MARCHF2: variants seen among roughly 807,000 people sequenced by gnomAD.
The protein encoded by MARCHF2 is E3 ubiquitin-protein ligase MARCHF2.
MARCHF2 carries 22 observed loss-of-function variants against 24.0 expected under a neutral mutation model. The ratio of observed to expected loss-of-function variants is 0.92; its 90% CI spans 0.66 to 1.31. The LOEUF is 1.31. Ranked by LOEUF, MARCHF2 falls within the 50% of genes most tolerant of loss-of-function variation. The probability of loss-of-function intolerance (pLI) is 0.00; values close to 1 mark genes in which losing one functional copy is unlikely to be tolerated. For synonymous variants in MARCHF2, 154 were observed against 153.0 expected (o/e 1.01, Z -0.05); for missense variants, 301 against 335.3 (o/e 0.90, Z 0.80).
chr19:8,437,836 C>G (rs1211166629), intron 4 of MARCHF2, among the ~76,000 whole-genome samples: 2 of 151,696 alleles, frequency 1.3e-5, no homozygotes, highest in African/African-American at 2.4e-5. Context: ...CCCATATCTC[C>G]CAGGCTCAGG....
intron 4 of MARCHF2, among the ~76,000 whole-genome samples, chr19:8,435,898 CCAG>C (rs1967707577): frequency 6.8e-6 from 1 of 146,606 alleles, no homozygotes. Context: ...TCTTTGTCAC[CCAG>C]GCTGCAGTGC....
chr19:8,426,867 G>T lies in MARCHF2; in HGVS notation c.372+63G>T, dbSNP rs923174836. 12 of 1,487,120 alleles carry T rather than the reference G, an allele frequency of 8.1e-6. No individual in the cohort carries two copies. The Admixed American group carries it at 1.6e-4, about 20-fold the overall frequency. The allele number at this position is 1,487,120 out of a possible 1,614,324, so 92.1% of individuals were successfully genotyped here. The stretch of plus-strand genomic sequence containing the variant: ...GAGAGGGCAGACATGGGGGCCAAAG[G>T]CAGGAGCTGCCCCGGGCAATCTGGT... On this transcript the variant is annotated intron_variant, in intron 3 of 4. Coordinates refer to ENST00000215555, the MANE Select transcript of MARCHF2 (RefSeq NM_001005415.2).
At chr19:8,419,748 A>G (rs12979798) in intron 1 of MARCHF2, among the ~76,000 whole-genome samples, 108,170 of 143,842 alleles carry the variant, frequency 0.75, 41,045 homozygotes, top group African/African-American at 0.81. Context: ...CCCGGGAGGC[A>G]GAGCTTGCAG....
chr19:8,416,434 G>C (rs1360627460), intron 1 of MARCHF2, among the ~76,000 whole-genome samples: 5 of 152,004 alleles, frequency 3.3e-5, no homozygotes, highest in Non-Finnish European at 7.4e-5. Flanking sequence ...GACAGCGGGA[G>C]GCAATCTGAC....
At chr19:8,435,838 G>C (rs1369492521) in intron 4 of MARCHF2, among the ~76,000 whole-genome samples, 2 of 149,670 alleles carry the variant, frequency 1.3e-5, no homozygotes, top group African/African-American at 5.0e-5. Context: ...CTGTGTGTGT[G>C]TGTGTGTGTG....
chr19:8,426,782 A>G lies in MARCHF2; in HGVS notation c.350A>G (p.Lys117Arg). The G allele has an allele frequency of 6.8e-6, 11 of 1,612,182 alleles. No individual in the cohort carries two copies. Among genetic ancestry groups the G allele is most frequent in the Non-Finnish European group, 9.3e-6 (11 of 1,179,982 alleles). ...TGCCACACGGAGTTTGCAGTGGAGA[A>G]ACGGCCTCGACCCCTCACAGAGGTA... ...ELCHTEFAVE[K>R]RPRPLTEWLK... is the part of the protein sequence containing the mutation. Residue 117 changes from lysine to arginine, a missense_variant, in exon 3 of 5, where the codon AAA (lysine) becomes AGA (arginine). Coordinates refer to ENST00000215555, the MANE Select transcript of MARCHF2 (RefSeq NM_001005415.2).
At chr19:8,418,978 G>A (rs1177383330) in intron 1 of MARCHF2, among the ~76,000 whole-genome samples, 1 of 152,002 alleles carries the variant, frequency 6.6e-6, no homozygotes, top group Admixed American at 6.6e-5. Context: ...CTTGGGGGTT[G>A]GACAAGCTGG....
chr19:8,438,532 G>A lies in MARCHF2; in HGVS notation c.727G>A (p.Glu243Lys). 1 of 1,614,110 alleles carries A rather than the reference G, an allele frequency of 6.2e-7. No individual in the cohort carries two copies. Among genetic ancestry groups the A allele is most frequent in the Non-Finnish European group, 8.5e-7 (1 of 1,180,032 alleles). ...AAGLLKKVAE[E>K]TPV ...TGGACTCCTGAAGAAGGTGGCAGAG[G>A]AGACACCAGTATGAATGCTGGGCTC... Residue 243 changes from glutamate to lysine, a missense_variant, in exon 5 of 5, where the codon GAG becomes AAG. Glu to Lys is a moderately conservative substitution (Grantham distance 56). Transcript: ENST00000215555.
At chr19:8,417,059 G>A (rs887176630) in intron 1 of MARCHF2, among the ~76,000 whole-genome samples, 1 of 151,640 alleles carries the variant, frequency 6.6e-6, no homozygotes, top group African/African-American at 2.4e-5. Flanking sequence ...ATTTACCTGT[G>A]GTTTTTTTTT....
In MARCHF2 at chr19:8,426,723, G is replaced by A; in HGVS notation, c.291G>A (p.Trp97Ter). ...GAVHKSCLEK[W>*]LSSSNTSYCE... ...TGCATAAGAGCTGTCTGGAGAAGTG[G>A]CTTTCCTCATCTAACACCAGCTACT... The change falls in exon 3 of 5, where the codon TGG (tryptophan) becomes TGA (stop). Residue 97 changes from tryptophan (W) to a stop codon, truncating the protein, a stop_gained. Transcript: ENST00000215555. LOFTEE classifies it high-confidence loss of function. The A allele has an allele frequency of 3.1e-6, 5 of 1,613,338 alleles. No homozygotes were observed. The highest frequency in any genetic ancestry group is 4.2e-6 in the Non-Finnish European group (5 of 1,180,018).
intron 4 of MARCHF2, among the ~76,000 whole-genome samples, chr19:8,436,359 TCTTGACCTCGTGATCTGCCCAC>T (rs1266738593): frequency 2.6e-5 from 4 of 151,946 alleles, no homozygotes; most frequent in Admixed American, 2.0e-4. Context: ...GGTCTCGATC[TCTTGACCTCGTGATCTGCCCAC>T]CTTGGCCTCC....
intron 1 of MARCHF2, among the ~76,000 whole-genome samples, chr19:8,420,851 C>T (rs1967218385): frequency 6.6e-6 from 1 of 152,092 alleles, no homozygotes; most frequent in Non-Finnish European, 1.5e-5. Flanking sequence ...GCCAGGGTTT[C>T]ACCATGTTGC....
intron 3 of MARCHF2, among the ~76,000 whole-genome samples, chr19:8,428,703 CTCACAA>C (rs1967489581): frequency 7.6e-6 from 1 of 132,444 alleles, no homozygotes; most frequent in Non-Finnish European, 1.6e-5. Context: ...GACGTGGTGG[CTCACAA>C]TCCCAGCACT....
intron 1 of MARCHF2, 124 bp from the exon 2 acceptor site, chr19:8,421,665 C>G (rs552139086): frequency 5.6e-6 from 3 of 537,336 alleles, no homozygotes; most frequent in African/African-American, 1.9e-5. Context: ...ACAGATGGTG[C>G]AAACTGAGGC....
intron 4 of MARCHF2, among the ~76,000 whole-genome samples, chr19:8,433,871 CAAAA>C (rs200139023): frequency 2.1e-5 from 2 of 93,176 alleles, no homozygotes; most frequent in African/African-American, 7.9e-5. Context: ...GACTCTGTCT[CAAAA>C]AAAAAAAAAA....
rs148121267 is a variant in MARCHF2, at chr19:8,438,398, G to A, written c.593G>A (p.Arg198His). ...AGGGCTGCCCCACAGGTCTCCTTCC[G>A]CTACCACTGCCAGCTGTACTCCGAG... ...IYVLWTLVSF[R>H]YHCQLYSEWR... Residue 198 changes from arginine to histidine, a missense_variant, in exon 5 of 5, where the codon CGC becomes CAC. Arg to His is a conservative substitution (Grantham distance 29). Transcript: ENST00000215555. 200 of 1,613,592 alleles carry A rather than the reference G, an allele frequency of 1.2e-4. No individual in the cohort carries two copies. Among genetic ancestry groups the A allele is most frequent in the Non-Finnish European group, 1.6e-4 (186 of 1,180,030 alleles).
chr19:8,431,754 C>T lies in MARCHF2; in HGVS notation c.582+887C>T, dbSNP rs982533075. Among the ~76,000 whole-genome samples the T allele has an allele frequency of 4.6e-5, 7 of 151,984 alleles. No individual in the cohort carries two copies. The East Asian group carries it at 7.7e-4, about 17-fold the overall frequency. On this transcript the variant is annotated intron_variant, in intron 4 of 4. Coordinates refer to ENST00000215555, the MANE Select transcript of MARCHF2 (RefSeq NM_001005415.2). ...TCGGGAGGCTGAGGCAGGAGAATCA[C>T]GTGAACCCGGGAGGCAGAGGTTGCA...
chr19:8,417,212 G>A lies in MARCHF2; in HGVS notation c.-53+3792G>A, dbSNP rs563970903. The stretch of plus-strand genomic sequence containing the variant: ...TAATCCCAGCACTTTGGGAGGCCGA[G>A]GCGGGCAGATCACTTGAGATCAGCA... On this transcript the variant is annotated intron_variant, in intron 1 of 4. Coordinates refer to ENST00000215555, the MANE Select transcript of MARCHF2 (RefSeq NM_001005415.2). Among the ~76,000 whole-genome samples, 6 of 152,234 alleles carry A rather than the reference G, an allele frequency of 3.9e-5. No individual in the cohort carries two copies. The East Asian group carries it at 9.7e-4, about 25-fold the overall frequency.
At position 8,422,012 on chromosome 19, in the gene MARCHF2, C is replaced by T. The variant is rs1268202459; in HGVS notation, c.172C>T (p.Pro58Ser). 1 of 1,608,764 alleles carries T rather than the reference C, an allele frequency of 6.2e-7. No homozygotes were observed. Among genetic ancestry groups the T allele is most frequent in the African/African-American group, 1.3e-5 (1 of 74,760 alleles). The change falls in exon 2 of 5, where the codon CCG becomes TCG. Residue 58 changes from proline (P) to serine (S), a missense_variant. Transcript: ENST00000215555. ...LSTVIRALDTPSDGPFCRICH... is the reference protein window; with the variant it reads ...LSTVIRALDTSSDGPFCRICH... ...CACCGTCATCCGTGCCTTGGACACA[C>T]CGAGGTGAGTGGTGACTGCGTGGAT...
Sources: allele counts gnomAD v4.1 joint callset (sites outside exome capture counted in the v4.1 genomes callset), GRCh38; gene constraint gnomAD v4.1.1; transcripts MANE v1.5; gene names NCBI Gene and HGNC (gene_info 2026-07-23, HGNC 2026-07-21).